The following UGGT2 variants were observed in gnomAD, a reference collection of about 807,000 sequenced individuals.
UGGT2 encodes the protein UDP-glucose glycoprotein glucosyltransferase 2.
In UGGT2, 180 loss-of-function variants were observed where a neutral mutation model predicts 192.1. The ratio of observed to expected loss-of-function variants is 0.94; its 90% CI spans 0.83 to 1.06. UGGT2 has a LOEUF of 1.06. UGGT2 is among the 50% of genes least tolerant of loss of function. The pLI is 0.00. For synonymous variants in UGGT2, 580 were observed against 591.0 expected, an observed-to-expected ratio of 0.98 and a Z score of 0.27; for missense variants, 1,849 against 1,795.7, an observed-to-expected ratio of 1.03 and a Z score of -0.54.
At chr13:95,949,562 A>G (rs548771496) in intron 12 of UGGT2, 108 bp from the exon 13 acceptor site, 198 of 1,117,218 alleles carry the variant, frequency 1.8e-4, no homozygotes, top group Non-Finnish European at 2.1e-4. Flanking sequence ...AGAATTTTCT[A>G]TATTTCTGAT....
At chr13:96,035,050 C>A (rs941008341) in intron 1 of UGGT2, among the ~76,000 whole-genome samples, 2 of 152,228 alleles carry the variant, frequency 1.3e-5, no homozygotes, top group African/African-American at 4.8e-5. Flanking sequence ...TGTGACAAAA[C>A]TACCACTGAC....
intron 12 of UGGT2, among the ~76,000 whole-genome samples, chr13:95,958,122 G>A (rs1275745951): frequency 2.0e-5 from 3 of 152,006 alleles, no homozygotes; most frequent in East Asian, 3.9e-4. Context: ...TTTCTTTCGG[G>A]CTGCTATAGT....
chr13:96,002,038 A>G (rs1463604278), intron 5 of UGGT2, among the ~76,000 whole-genome samples: 1 of 152,258 alleles, frequency 6.6e-6, no homozygotes, highest in Non-Finnish European at 1.5e-5. Flanking sequence ...AGTCAACAGT[A>G]GGTTATTACT....
rs534214379 is a variant in UGGT2 at position 95,926,561 on chromosome 13, A to G, written c.2200+467T>C. Among the ~76,000 whole-genome samples, 3 of 152,298 alleles carry G rather than the reference A, an allele frequency of 2.0e-5. No individual in the cohort carries two copies. In the East Asian group the frequency reaches 5.8e-4, roughly 29 times the overall value. ...TCTGAATAGTTAATTGTACCCTAAC[A>G]AATCTACGGTCCCACTGCAGACTTC... On this transcript the variant is annotated intron_variant, in intron 19 of 38. Coordinates refer to ENST00000376747, the MANE Select transcript of UGGT2 (RefSeq NM_020121.4).
intron 36 of UGGT2, among the ~76,000 whole-genome samples, chr13:95,841,882 T>A (rs954894000): frequency 2.0e-5 from 3 of 152,184 alleles, no homozygotes; most frequent in African/African-American, 7.2e-5. Flanking sequence ...GAGGTAGGGG[T>A]CCAACTTCAT....
At chr13:95,856,595 C>T (rs1264807745) in intron 33 of UGGT2, 1 of 457,278 alleles carries the variant, frequency 2.2e-6, no homozygotes, top group East Asian at 5.2e-5. Context: ...ATTTAACAAA[C>T]TTATTAATGG....
chr13:95,950,069 AAAT>A (rs200708182), intron 12 of UGGT2, among the ~76,000 whole-genome samples: 2,424 of 152,152 alleles, frequency 0.016, 41 homozygotes, highest in Non-Finnish European at 0.024. Flanking sequence ...CGTCCTGGAG[AAAT>A]ACTGAGTTGG....
chr13:95,936,183 A>C (rs996740424), intron 17 of UGGT2, among the ~76,000 whole-genome samples: 2 of 152,212 alleles, frequency 1.3e-5, no homozygotes, highest in Non-Finnish European at 2.9e-5. Context: ...ACTGGTTTTC[A>C]AGCTCTGAAA....
chr13:95,948,028 A>G lies in UGGT2; in HGVS notation c.1509T>C (p.Ala503=). The part of the protein sequence containing the change: ...QEYTLDFIKL[A]DVFYSHEVPL... ...GAACTTCGTGAGAATAGAAAACATC[A>G]GCAAGTTTTATAAAATCCAAGGTAT... Residue 503 remains alanine (A), a synonymous_variant, in exon 14 of 39, where the codon GCT becomes GCC. Coordinates refer to ENST00000376747, the MANE Select transcript of UGGT2 (RefSeq NM_020121.4). The G allele has an allele frequency of 5.6e-6, 9 of 1,613,344 alleles. No individual in the cohort carries two copies. Among genetic ancestry groups the G allele is most frequent in the Non-Finnish European group, 7.6e-6 (9 of 1,179,638 alleles).
intron 1 of UGGT2, among the ~76,000 whole-genome samples, chr13:96,041,101 G>T (rs989300700): frequency 4.6e-5 from 7 of 152,130 alleles, no homozygotes; most frequent in African/African-American, 1.4e-4. Context: ...AAAGCCAAGA[G>T]AACCCACAGA....
chr13:95,927,959 T>C (rs2049085597), intron 17 of UGGT2, among the ~76,000 whole-genome samples: 2 of 152,208 alleles, frequency 1.3e-5, no homozygotes, highest in Admixed American at 1.3e-4. Context: ...ACAGCACATG[T>C]TTCAGAGAGC....
At chr13:95,891,418 T>C (rs1282057201) in intron 24 of UGGT2, among the ~76,000 whole-genome samples, 2 of 152,248 alleles carry the variant, frequency 1.3e-5, no homozygotes, top group African/African-American at 4.8e-5. Context: ...AACAAAAATA[T>C]CCAAATTAAT....
intron 6 of UGGT2, among the ~76,000 whole-genome samples, chr13:95,996,414 T>G (rs1330133693): frequency 6.6e-6 from 1 of 151,650 alleles, no homozygotes; most frequent in Non-Finnish European, 1.5e-5. Context: ...GAGAGTGGCT[T>G]GAGCCTGGGA....
intron 5 of UGGT2, among the ~76,000 whole-genome samples, chr13:96,003,044 G>A (rs958254385): frequency 1.3e-5 from 2 of 152,124 alleles, no homozygotes; most frequent in African/African-American, 4.8e-5. Flanking sequence ...TGACGTGCAC[G>A]TGAGACTCCA....
At chr13:95,862,795 C>A (rs184301208) in intron 31 of UGGT2, among the ~76,000 whole-genome samples, 12 of 152,218 alleles carry the variant, frequency 7.9e-5, no homozygotes, top group African/African-American at 2.6e-4. Flanking sequence ...GTTTCCACAC[C>A]ACATCACCCA....
At chr13:96,051,926 C>G (rs2053498036) in intron 1 of UGGT2, among the ~76,000 whole-genome samples, 1 of 152,124 alleles carries the variant, frequency 6.6e-6, no homozygotes, top group African/African-American at 2.4e-5. Context: ...GTGGGGAGTC[C>G]TCAAAGTACT....
intron 20 of UGGT2, among the ~76,000 whole-genome samples, chr13:95,904,452 C>T (rs554253154): frequency 4.6e-5 from 6 of 130,206 alleles, no homozygotes; most frequent in Non-Finnish European, 8.2e-5. Flanking sequence ...CCCTCCCCCC[C>T]ACCCCACAAC....
At chr13:95,942,221 G>GGGGTGTGTGT (rs1285651365) in intron 15 of UGGT2, among the ~76,000 whole-genome samples, 50 of 118,082 alleles carry the variant, frequency 4.2e-4, no homozygotes, top group South Asian at 1.6e-3. Flanking sequence ...TTAGGGTGAG[G>GGGGTGTGTGT]GTGTGTGTGT....
intron 27 of UGGT2, among the ~76,000 whole-genome samples, chr13:95,879,801 T>C (rs1166574224): frequency 6.6e-6 from 1 of 152,252 alleles, no homozygotes; most frequent in Non-Finnish European, 1.5e-5. Flanking sequence ...TGTTTCCATC[T>C]TCCCTTTATA....
Sources: gnomAD v4.1 joint callset for allele counts (sites outside exome capture counted in the v4.1 genomes callset) on GRCh38, gnomAD v4.1.1 for gene constraint, MANE v1.5 for transcripts, NCBI Gene and HGNC (gene_info 2026-07-23, HGNC 2026-07-21) for gene names.